Variants in HSBP1L1 observed in about 807,000 individuals in gnomAD.
HSBP1L1 encodes heat shock factor binding protein 1 like 1.
In HSBP1L1, 8 loss-of-function variants were observed where a neutral mutation model predicts 9.7. That is an observed-to-expected ratio of 0.82 (90% CI 0.48 to 1.48). The LOEUF is 1.48. HSBP1L1 is among the 40% of genes most tolerant of loss of function. HSBP1L1 has a pLI of 0.00. For synonymous variants in HSBP1L1, 39 were observed against 34.4 expected (o/e 1.13, Z -0.46); for missense variants, 106 against 95.8 (o/e 1.11, Z -0.44).
intron 3 of HSBP1L1, among the ~76,000 whole-genome samples, chr18:79,969,281 AGGGAGGGAGG>A (rs1477770977): frequency 5.1e-4 from 11 of 21,394 alleles, no homozygotes; most frequent in East Asian, 1.8e-3. Context: ...GGAGGGAGGG[AGGGAGGGAGG>A]GAGGGAGAGA....
Position 79,964,791 on chromosome 18 carries a change from G to C in HSBP1L1, c.51+5G>C, listed in dbSNP as rs1482335579. On this transcript the variant is annotated splice_donor_5th_base_variant and intron_variant, in intron 1 of 3. Coordinates refer to ENST00000451882, the MANE Select transcript of HSBP1L1 (RefSeq NM_001136180.2). Reference sequence around the variant, plus strand: ...GGGCGCGCGCTGCGGGACGCGGTGAGCCCCTCCCCGACTCCTGCTTCTCTC... The same window carrying C: ...GGGCGCGCGCTGCGGGACGCGGTGACCCCCTCCCCGACTCCTGCTTCTCTC... 1.6e-6 allele frequency: 2 copies of C among 1,288,636 alleles called. No individual in the cohort carries two copies. Among genetic ancestry groups the C allele is most frequent in the East Asian group, 4.3e-5 (1 of 23,304 alleles). The allele number at this position is 1,288,636 out of a possible 1,614,324, so 79.8% of individuals were successfully genotyped here.
chr18:79,969,819 G>C (rs147852033), intron 3 of HSBP1L1, among the ~76,000 whole-genome samples: 1 of 152,296 alleles, frequency 6.6e-6, no homozygotes, highest in African/African-American at 2.4e-5. Context: ...GCCAACTGCT[G>C]CCTGATAGTC....
chr18:79,968,234 T>C (rs963102555), intron 3 of HSBP1L1, 51 bp downstream of exon 3: 1 of 1,083,500 alleles, frequency 9.2e-7, no homozygotes. Context: ...TTTGACTGCT[T>C]TCATCTTGAA....
rs904185282 is a variant in HSBP1L1, at chr18:79,970,726, A to G, written c.*275A>G. ...AAGTTTCTGTTGTTTAAACCACCCA[A>G]TCTGAAGTATTTTGTTATGGCAGTC... On this transcript the variant is annotated 3_prime_UTR_variant, in exon 4 of 4. Coordinates refer to ENST00000451882, the MANE Select transcript of HSBP1L1 (RefSeq NM_001136180.2). 10 of 440,494 alleles carry G rather than the reference A, an allele frequency of 2.3e-5. No individual in the cohort carries two copies. The highest frequency in any genetic ancestry group is 1.4e-4 in the East Asian group (4 of 29,022). The allele number at this position is 440,494 out of a possible 1,614,324, so 27.3% of individuals were successfully genotyped here. A position where few individuals can be genotyped will look rare whatever the true frequency, so the allele number is the denominator to read the frequency against.
chr18:79,970,427 T>G lies in HSBP1L1; in HGVS notation c.214-13T>G. 1.4e-6 allele frequency: 1 copy of G among 718,550 alleles called. No individual in the cohort carries two copies. The highest frequency in any genetic ancestry group is 2.6e-6 in the Non-Finnish European group (1 of 385,042). The allele number at this position is 718,550 out of a possible 1,614,324, so 44.5% of individuals were successfully genotyped here. A position where few individuals can be genotyped will look rare whatever the true frequency, so the allele number is the denominator to read the frequency against. ...AGGAGTTACGGCCTGAACGTTTATG[T>G]CTCCCTAAATAGCTGAAGACCTAAC... On this transcript the variant is annotated splice_polypyrimidine_tract_variant and intron_variant, in intron 3 of 3. Coordinates refer to ENST00000451882, the MANE Select transcript of HSBP1L1 (RefSeq NM_001136180.2).
In HSBP1L1 at chr18:79,964,763, G is replaced by T. The variant is rs770697990; in HGVS notation, c.28G>T (p.Gly10Cys). ...GGACGTGCGGGGCCCTGAAGCCCCC[G>T]GCGGGCGCGCGCTGCGGGACGCGGT... MDVRGPEAP[G>C]GRALRDAAEN... Residue 10 changes from glycine (G) to cysteine (C), a missense_variant, in exon 1 of 4, where the codon GGC becomes TGC. Gly to Cys is a radical substitution (Grantham distance 159). Coordinates refer to ENST00000451882, the MANE Select transcript of HSBP1L1 (RefSeq NM_001136180.2). 1.4e-6 allele frequency: 2 copies of T among 1,410,338 alleles called. No homozygotes were observed. Among genetic ancestry groups the T allele is most frequent in the Non-Finnish European group, 9.2e-7 (1 of 1,083,284 alleles). 87.4% of individuals were successfully genotyped at this position (1,410,338 alleles called of 1,614,324 possible).
intron 3 of HSBP1L1, 67 bp downstream of exon 3, chr18:79,968,250 C>T (rs971881299): frequency 3.2e-6 from 3 of 924,440 alleles, no homozygotes; most frequent in Non-Finnish European, 5.1e-6. Flanking sequence ...TTGAAACATA[C>T]AATCCCATAT....
intron 1 of HSBP1L1, 50 bp downstream of exon 1, chr18:79,964,836 G>C: frequency 7.6e-6 from 4 of 527,242 alleles, no homozygotes; most frequent in Non-Finnish European, 1.0e-5. Flanking sequence ...GCGCCCCTGC[G>C]GTTCTGGGGG....
intron 1 of HSBP1L1, among the ~76,000 whole-genome samples, chr18:79,966,298 CT>C (rs1568355491): frequency 2.8e-4 from 42 of 152,252 alleles, no homozygotes; most frequent in African/African-American, 1.0e-3. Flanking sequence ...GATCCCAGCA[CT>C]TTGGGAGGTC....
At chr18:79,968,406 A>C (rs146059424) in intron 3 of HSBP1L1, among the ~76,000 whole-genome samples, 1,549 of 152,268 alleles carry the variant, frequency 0.01, 14 homozygotes, top group Non-Finnish European at 0.017. Flanking sequence ...GGCTCACTGC[A>C]AACTCCACCT....
Position 79,966,324 on chromosome 18 carries a change from A to C in HSBP1L1, c.52-288A>C, listed in dbSNP as rs535205707. Among the ~76,000 whole-genome samples, 5 of 152,226 alleles carry C rather than the reference A, an allele frequency of 3.3e-5. No individual in the cohort carries two copies. The East Asian group carries it at 9.7e-4, about 30-fold the overall frequency. On this transcript the variant is annotated intron_variant, in intron 1 of 3. Transcript: ENST00000451882. ...TTTGGGAGGTCAAGGTGGGCAGATC[A>C]CCTGAGGCCATGAGTTCAAGACCAG... is the stretch of plus-strand genomic sequence containing the variant.
chr18:79,968,855 A>G (rs1428219721), intron 3 of HSBP1L1, among the ~76,000 whole-genome samples: 1 of 151,904 alleles, frequency 6.6e-6, no homozygotes, highest in Non-Finnish European at 1.5e-5. Flanking sequence ...CTAGGATCAG[A>G]GGCATGTTTA....
intron 3 of HSBP1L1, 85 bp downstream of exon 3, chr18:79,968,268 C>A: frequency 1.3e-6 from 1 of 786,190 alleles, no homozygotes; most frequent in Non-Finnish European, 2.1e-6. Context: ...TATTTGTTCA[C>A]TATGGGAATT....
At chr18:79,970,403 G>C in intron 3 of HSBP1L1, 37 bp from the exon 4 acceptor site, 1 of 718,510 alleles carries the variant, frequency 1.4e-6, no homozygotes, top group Non-Finnish European at 2.6e-6. Context: ...ACACCTGATA[G>C]GAGTTACGGC....
At chr18:79,970,123 C>G in intron 3 of HSBP1L1, 1 of 300,492 alleles carries the variant, frequency 3.3e-6, no homozygotes. Context: ...CCATGCAGGC[C>G]TAGGTTTCAA....
At chr18:79,968,964 A>G (rs1009594041) in intron 3 of HSBP1L1, among the ~76,000 whole-genome samples, 9 of 148,346 alleles carry the variant, frequency 6.1e-5, no homozygotes, top group African/African-American at 1.7e-4. Context: ...TGGGCGGATC[A>G]CGAGGTCAGG....
intron 2 of HSBP1L1, 122 bp downstream of exon 2, chr18:79,966,800 T>C (rs2051259516): frequency 1.3e-6 from 1 of 746,566 alleles, no homozygotes; most frequent in Non-Finnish European, 2.2e-6. Context: ...CAGTATTTAC[T>C]TCTGTGCTTT....
chr18:79,967,934 G>T, intron 2 of HSBP1L1, 155 bp from the exon 3 acceptor site: 1 of 535,834 alleles, frequency 1.9e-6, no homozygotes, highest in South Asian at 2.8e-5. Flanking sequence ...GAAAACTCAG[G>T]GAAAGAAGCT....
At chr18:79,966,539 T>A (rs556974448) in intron 1 of HSBP1L1, 73 bp from the exon 2 acceptor site, 8 of 1,112,596 alleles carry the variant, frequency 7.2e-6, no homozygotes, top group African/African-American at 1.7e-5. Flanking sequence ...CAAGACTTCA[T>A]CTCAGAAAAA....
Sources: allele counts gnomAD v4.1 joint callset (sites outside exome capture counted in the v4.1 genomes callset), GRCh38; gene constraint gnomAD v4.1.1; transcripts MANE v1.5; gene names NCBI Gene and HGNC (gene_info 2026-07-23, HGNC 2026-07-21).